The following NTRK3 variants were observed in gnomAD, a reference collection of about 807,000 sequenced individuals.
The protein encoded by NTRK3 is NT-3 growth factor receptor.
NTRK3 carries 24 observed loss-of-function variants against 91.7 expected under a neutral mutation model. That is an observed-to-expected ratio of 0.26 (90% CI 0.19 to 0.37). The LOEUF (loss-of-function observed/expected upper bound fraction) is 0.37, where lower values mean the gene tolerates loss of function less well. NTRK3 is among the 10% of genes least tolerant of loss of function. The probability of loss-of-function intolerance (pLI) is 1.00; values close to 1 mark genes in which losing one functional copy is unlikely to be tolerated. For synonymous variants in NTRK3, 483 were observed against 404.0 expected (o/e 1.20, Z -2.34); for missense variants, 880 against 1,068.9 (o/e 0.82, Z 2.46).
At chr15:87,865,702 A>G (rs1449005068) in exon 19 of NTRK3, 1 of 222,630 alleles carries the variant, frequency 4.5e-6, no homozygotes, top group Non-Finnish European at 9.0e-6. Context: ...TGAAAGCAAG[A>G]GTTGATGGCA....
intron 14 of NTRK3, among the ~76,000 whole-genome samples, chr15:87,952,623 C>T (rs972490304): frequency 6.6e-6 from 1 of 152,192 alleles, no homozygotes; most frequent in African/African-American, 2.4e-5. Context: ...TCACCCTGTG[C>T]GCACTCCATT....
intron 13 of NTRK3, among the ~76,000 whole-genome samples, chr15:88,086,422 T>A (rs192738649): frequency 7.9e-5 from 12 of 152,234 alleles, no homozygotes; most frequent in African/African-American, 2.7e-4. Flanking sequence ...AAACATCTCA[T>A]TAATTTTTAA....
In NTRK3 at chr15:88,200,601, C is replaced by A. The variant is rs113039833; in HGVS notation, c.249-16302G>T. On this transcript the variant is annotated intron_variant, in intron 3 of 18. Transcript: ENST00000394480. ...TTTATAAGGGGCTCTTCCCTCTTTG[C>A]TCAGCACTTCTCCTTCCTGCCACCA... Among the ~76,000 whole-genome samples, 987 of 152,320 alleles carry A rather than the reference C, an allele frequency of 6.5e-3. 9 individuals are homozygous for A. Among genetic ancestry groups the A allele is most frequent in the African/African-American group, 0.023 (945 of 41,554 alleles).
chr15:87,883,461 C>T (rs866088857), intron 17 of NTRK3, among the ~76,000 whole-genome samples: 9 of 149,640 alleles, frequency 6.0e-5, no homozygotes, highest in South Asian at 2.1e-4. Flanking sequence ...ACTGACAAAG[C>T]TATCATTATA....
chr15:88,021,739 C>CTGAT (rs2077608494), intron 14 of NTRK3, among the ~76,000 whole-genome samples: 1 of 152,026 alleles, frequency 6.6e-6, no homozygotes, highest in Non-Finnish European at 1.5e-5. Context: ...AGTTATTGAC[C>CTGAT]ATCAACAATA....
At chr15:88,228,375 A>C (rs970713682) in intron 3 of NTRK3, among the ~76,000 whole-genome samples, 1 of 151,932 alleles carries the variant, frequency 6.6e-6, no homozygotes, top group Admixed American at 6.5e-5. Flanking sequence ...CTTCCAATCC[A>C]TGGCTGGCTG....
intron 14 of NTRK3, among the ~76,000 whole-genome samples, chr15:87,950,094 C>A (rs1167518274): frequency 2.0e-5 from 3 of 152,200 alleles, no homozygotes; most frequent in Non-Finnish European, 4.4e-5. Context: ...GCTCTGTCCC[C>A]CAAGCCGTCC....
chr15:88,212,058 G>T (rs2049294257), intron 3 of NTRK3, among the ~76,000 whole-genome samples: 1 of 152,170 alleles, frequency 6.6e-6, no homozygotes, highest in South Asian at 2.1e-4. Context: ...AGAAATAAAG[G>T]TGGAAGCATC....
At chr15:87,880,450 G>A (rs1555428615) in intron 17 of NTRK3, 22 bp from the exon 19 acceptor site, 7 of 1,612,952 alleles carry the variant, frequency 4.3e-6, no homozygotes, top group East Asian at 4.5e-5. Context: ...TGAGATAGAG[G>A]CACACAGAGT....
At chr15:88,110,619 T>C (rs12148667) in intron 13 of NTRK3, among the ~76,000 whole-genome samples, 1 of 151,928 alleles carries the variant, frequency 6.6e-6, no homozygotes, top group Non-Finnish European at 1.5e-5. Context: ...AACAGTCTAC[T>C]TGGAGAGGCA....
In NTRK3 at chr15:88,159,943, TACACACACACACAC is replaced by T. The variant is rs59254719; in HGVS notation, c.396-12554_396-12541del. 6.3e-3 allele frequency among the ~76,000 whole-genome samples: 702 copies of T among 112,044 alleles called. 6 individuals are homozygous for T. The highest frequency in any genetic ancestry group is 0.019 in the African/African-American group (575 of 29,750). 73.5% of individuals were successfully genotyped at this position (112,044 alleles called of 152,430 possible). A position where few individuals can be genotyped will look rare whatever the true frequency, so the allele number is the denominator to read the frequency against. ...TGCCTCCCCACCCCACCCAGCCTCCTACACACACACACACACACACACACACACACACACACACA... is the reference window on the plus strand; with the variant it reads ...TGCCTCCCCACCCCACCCAGCCTCCTACACACACACACACACACACACACA... On this transcript the variant is annotated intron_variant, in intron 5 of 18. Coordinates refer to ENST00000394480, the Ensembl canonical transcript of NTRK3.
At chr15:88,081,796 G>A (rs2048067748) in intron 13 of NTRK3, among the ~76,000 whole-genome samples, 1 of 152,306 alleles carries the variant, frequency 6.6e-6, no homozygotes, top group Admixed American at 6.5e-5. Flanking sequence ...CCAACCTCCA[G>A]GGCCCTGCCA....
At chr15:88,238,042 A>G (rs1435737266) in intron 3 of NTRK3, among the ~76,000 whole-genome samples, 1 of 152,152 alleles carries the variant, frequency 6.6e-6, no homozygotes, top group Non-Finnish European at 1.5e-5. Context: ...TCCTTATAAG[A>G]AGAGGAGATT....
At chr15:87,890,090 C>T (rs184727630) in intron 17 of NTRK3, among the ~76,000 whole-genome samples, 21 of 152,124 alleles carry the variant, frequency 1.4e-4, no homozygotes, top group Admixed American at 9.8e-4. Context: ...TGCCGCATTT[C>T]CTATAATCAG....
intron 14 of NTRK3, among the ~76,000 whole-genome samples, chr15:87,982,714 C>T (rs1437568158): frequency 1.3e-5 from 2 of 152,208 alleles, no homozygotes; most frequent in Non-Finnish European, 2.9e-5. Flanking sequence ...GAGTCAAGAG[C>T]TGGTTGAATC....
chr15:88,174,245 A>G (rs2045789439), intron 5 of NTRK3, among the ~76,000 whole-genome samples: 1 of 152,180 alleles, frequency 6.6e-6, no homozygotes, highest in African/African-American at 2.4e-5. Flanking sequence ...ACACTGTCTC[A>G]TGTTTGAGAT....
At chr15:88,014,261 G>A (rs1212897427) in intron 14 of NTRK3, among the ~76,000 whole-genome samples, 1 of 152,076 alleles carries the variant, frequency 6.6e-6, no homozygotes, top group Non-Finnish European at 1.5e-5. Context: ...ATCAACTTTG[G>A]GGAAAATGAA....
At chr15:88,165,922 G>C (rs1286921205) in intron 5 of NTRK3, among the ~76,000 whole-genome samples, 5 of 152,166 alleles carry the variant, frequency 3.3e-5, no homozygotes, top group African/African-American at 1.2e-4. Context: ...TCCAGCTGGG[G>C]ACTTGGTTCT....
intron 17 of NTRK3, among the ~76,000 whole-genome samples, chr15:87,915,926 C>T (rs937272967): frequency 6.6e-6 from 1 of 152,142 alleles, no homozygotes. Flanking sequence ...GAATATCTGC[C>T]TGACTGCAAT....
Sources: gnomAD v4.1 joint callset for allele counts (sites outside exome capture counted in the v4.1 genomes callset) on GRCh38, gnomAD v4.1.1 for gene constraint, MANE v1.5 for transcripts, NCBI Gene and HGNC (gene_info 2026-07-23, HGNC 2026-07-21) for gene names.